Variants in CENPP observed in about 807,000 individuals in gnomAD.
The protein encoded by CENPP is centromere protein P.
Under a neutral mutation model 35.6 loss-of-function variants are expected in CENPP, and 24 were observed. The observed-to-expected ratio is 0.67, with a 90% CI of 0.49 to 0.95. The LOEUF (loss-of-function observed/expected upper bound fraction) is 0.95. Among genes scored for constraint, CENPP ranks in the 40% least tolerant of loss-of-function variants. The pLI is 0.00. For synonymous variants in CENPP, 120 were observed against 125.5 expected, an observed-to-expected ratio of 0.96 and a Z score of 0.29; for missense variants, 332 against 345.3, an observed-to-expected ratio of 0.96 and a Z score of 0.31.
At chr9:92,355,449 C>G (rs185674713) in intron 4 of CENPP, among the ~76,000 whole-genome samples, 17 of 152,222 alleles carry the variant, frequency 1.1e-4, no homozygotes, top group African/African-American at 4.1e-4. Context: ...AAATGCCAAG[C>G]TGGCAGAGCC....
intron 5 of CENPP, among the ~76,000 whole-genome samples, chr9:92,527,326 T>C (rs899549166): frequency 2.6e-5 from 4 of 152,168 alleles, no homozygotes; most frequent in African/African-American, 9.7e-5. Flanking sequence ...TATGTTTAGA[T>C]ACACAAATAC....
intron 5 of CENPP, among the ~76,000 whole-genome samples, chr9:92,471,912 G>A (rs995086640): frequency 6.6e-6 from 1 of 152,088 alleles, no homozygotes; most frequent in African/African-American, 2.4e-5. Flanking sequence ...TGCCTGCCTT[G>A]GCCTAGATGT....
intron 5 of CENPP, among the ~76,000 whole-genome samples, chr9:92,410,977 C>CT (rs560875005): frequency 4.6e-5 from 7 of 151,120 alleles, no homozygotes; most frequent in South Asian, 2.1e-4. Context: ...TATCAGATTC[C>CT]TTTTTTTTTC....
intron 5 of CENPP, among the ~76,000 whole-genome samples, chr9:92,604,924 C>A (rs1285994820): frequency 2.0e-5 from 3 of 151,986 alleles, no homozygotes; most frequent in Admixed American, 6.6e-5. Context: ...CTTTGGCTAA[C>A]CCAGAATTAC....
chr9:92,619,457 G>T lies in CENPP; in HGVS notation c.*6308G>T, dbSNP rs1264414096. The T allele has an allele frequency of 1.9e-6, 3 of 1,544,998 alleles. No homozygotes were observed. The highest frequency in any genetic ancestry group is 1.7e-4 in the Middle Eastern group (1 of 5,984). On this transcript the variant is annotated 3_prime_UTR_variant, in exon 8 of 8. Transcript: ENST00000375587. Reference sequence around the variant, plus strand: ...TGTCCATAAAACCCCGTTAGACCCAGGCTGCATGCCTTGCAGTGGGGGCCT... The same window carrying T: ...TGTCCATAAAACCCCGTTAGACCCATGCTGCATGCCTTGCAGTGGGGGCCT...
At chr9:92,571,779 A>T (rs1850146942) in intron 5 of CENPP, among the ~76,000 whole-genome samples, 1 of 152,010 alleles carries the variant, frequency 6.6e-6, no homozygotes, top group Non-Finnish European at 1.5e-5. Flanking sequence ...TTGGGTGCAT[A>T]TATATTTAGG....
intron 5 of CENPP, among the ~76,000 whole-genome samples, chr9:92,532,033 T>A (rs772244234): frequency 0.012 from 1,629 of 131,300 alleles, 123 homozygotes; most frequent in East Asian, 0.049. Context: ...TTTTTTATTT[T>A]ATTTTTTTTT....
At position 92,512,066 on chromosome 9, in the gene CENPP, A is replaced by G. The variant is rs1847379820; in HGVS notation, c.565-99248A>G. ...AGTGATATTATTTTTACTCAGATCA[A>G]GCCTTTCCAAATTTGGTAATCCATT... On this transcript the variant is annotated intron_variant, in intron 5 of 7. Coordinates refer to ENST00000375587, the MANE Select transcript of CENPP (RefSeq NM_001012267.3). The G allele has an allele frequency of 3.1e-6, 5 of 1,613,948 alleles. No individual in the cohort carries two copies. Among genetic ancestry groups the G allele is most frequent in the East Asian group, 2.2e-5 (1 of 44,866 alleles).
At position 92,617,688 on chromosome 9, in the gene CENPP, C is replaced by T. The variant is rs1851486302; in HGVS notation, c.*4539C>T. The T allele has an allele frequency of 6.4e-6, 1 of 156,018 alleles. No homozygotes were observed. The allele number at this position is 156,018 out of a possible 1,614,324, so 9.7% of individuals were successfully genotyped here. Reference sequence around the variant, plus strand: ...GACCCGCTGGGGGTTACCGGGGGACCAGCAGCCTCCAAGGGTGCTGGGGAT... The same window carrying T: ...GACCCGCTGGGGGTTACCGGGGGACTAGCAGCCTCCAAGGGTGCTGGGGAT... On this transcript the variant is annotated 3_prime_UTR_variant, in exon 8 of 8. Transcript: ENST00000375587.
intron 5 of CENPP, among the ~76,000 whole-genome samples, chr9:92,608,752 G>A (rs1342851531): frequency 6.6e-6 from 1 of 152,220 alleles, no homozygotes; most frequent in Non-Finnish European, 1.5e-5. Flanking sequence ...CTGAATGCCT[G>A]ACCTCTTCCT....
chr9:92,538,066 G>A (rs1849232515), intron 5 of CENPP, among the ~76,000 whole-genome samples: 1 of 152,132 alleles, frequency 6.6e-6, no homozygotes, highest in Admixed American at 6.5e-5. Flanking sequence ...TATGCTGTCT[G>A]TCCTACCATT....
rs574512205 is a variant in CENPP at position 92,338,273 on chromosome 9, C to G, written c.378+644C>G. On this transcript the variant is annotated intron_variant, in intron 3 of 7. Coordinates refer to ENST00000375587, the MANE Select transcript of CENPP (RefSeq NM_001012267.3). ...GCTACCGTGAGCTGTGATTGTGCCACTGTACTCGAGCCTGGGTAGCAGAGT... is the reference window on the plus strand; with the variant it reads ...GCTACCGTGAGCTGTGATTGTGCCAGTGTACTCGAGCCTGGGTAGCAGAGT... Among the ~76,000 whole-genome samples, 3 of 152,160 alleles carry G rather than the reference C, an allele frequency of 2.0e-5. No individual in the cohort carries two copies. The South Asian group carries it at 6.2e-4, about 32-fold the overall frequency.
chr9:92,509,206 C>T (rs1445665010), intron 5 of CENPP, among the ~76,000 whole-genome samples: 3 of 151,846 alleles, frequency 2.0e-5, no homozygotes, highest in Non-Finnish European at 2.9e-5. Flanking sequence ...ATCCACATGC[C>T]GTGGGGTGTG....
intron 4 of CENPP, among the ~76,000 whole-genome samples, chr9:92,355,537 C>G (rs760493670): frequency 6.6e-6 from 1 of 152,070 alleles, no homozygotes; most frequent in Non-Finnish European, 1.5e-5. Flanking sequence ...GAGAGAAAAT[C>G]AAACCATTTC....
At chr9:92,433,415 A>G (rs1023060073) in intron 5 of CENPP, among the ~76,000 whole-genome samples, 3 of 152,206 alleles carry the variant, frequency 2.0e-5, no homozygotes, top group Non-Finnish European at 2.9e-5. Flanking sequence ...CTTGGTACAG[A>G]CAGTGAGTCT....
At chr9:92,553,559 C>T (rs559954482) in intron 5 of CENPP, among the ~76,000 whole-genome samples, 15 of 152,124 alleles carry the variant, frequency 9.9e-5, no homozygotes, top group East Asian at 7.7e-4. Flanking sequence ...GTTTCCATTT[C>T]TTTGTGTCAT....
chr9:92,404,469 AAAATAATATATG>A (rs1564302922), intron 5 of CENPP: 3 of 1,242,358 alleles, frequency 2.4e-6, no homozygotes. Flanking sequence ...AACAATATTT[AAAATAATATATG>A]AAAAGTAAGC....
At chr9:92,341,062 C>T (rs182333744) in intron 3 of CENPP, among the ~76,000 whole-genome samples, 19 of 152,204 alleles carry the variant, frequency 1.2e-4, no homozygotes, top group Admixed American at 4.6e-4. Context: ...TATAAACAGC[C>T]CCCCCAGGGG....
intron 5 of CENPP, among the ~76,000 whole-genome samples, chr9:92,599,190 A>C (rs986667649): frequency 6.6e-6 from 1 of 152,094 alleles, no homozygotes; most frequent in Admixed American, 6.6e-5. Flanking sequence ...AGGGGTTTGA[A>C]AACCATTTTA....
Sources: gnomAD v4.1 joint callset for allele counts (sites outside exome capture counted in the v4.1 genomes callset) on GRCh38, gnomAD v4.1.1 for gene constraint, MANE v1.5 for transcripts, NCBI Gene and HGNC (gene_info 2026-07-23, HGNC 2026-07-21) for gene names.